Variants in MPDZ observed in about 807,000 individuals in gnomAD.
MPDZ encodes multiple PDZ domain crumbs cell polarity complex component, also known as multiple PDZ domain protein.
MPDZ carries 234 observed loss-of-function variants against 239.1 expected under a neutral mutation model. The observed-to-expected ratio is 0.98, with a 90% CI of 0.88 to 1.09. The LOEUF (loss-of-function observed/expected upper bound fraction) is 1.09, where lower values mean the gene tolerates loss of function less well. MPDZ is among the 50% of genes least tolerant of loss of function. The probability of loss-of-function intolerance (pLI) is 0.00; values close to 1 mark genes in which losing one functional copy is unlikely to be tolerated. For synonymous variants in MPDZ, 1,048 were observed against 881.3 expected, an observed-to-expected ratio of 1.19 and a Z score of -3.35; for missense variants, 3,175 against 2,510.0, an observed-to-expected ratio of 1.26 and a Z score of -5.66.
chr9:13,197,429 T>G (rs940334951), intron 12 of MPDZ, among the ~76,000 whole-genome samples: 8 of 152,106 alleles, frequency 5.3e-5, no homozygotes, highest in Admixed American at 3.3e-4. Context: ...TGAGCAATTC[T>G]AACACTATCG....
chr9:13,152,610 C>T (rs976562838), intron 24 of MPDZ, among the ~76,000 whole-genome samples: 16 of 151,920 alleles, frequency 1.1e-4, no homozygotes, highest in African/African-American at 3.1e-4. Context: ...TCCCCAGTCT[C>T]GGGGTACGTC....
At chr9:13,182,709 A>T (rs1953517998) in intron 19 of MPDZ, among the ~76,000 whole-genome samples, 1 of 152,168 alleles carries the variant, frequency 6.6e-6, no homozygotes, top group South Asian at 2.1e-4. Flanking sequence ...AATCCAAATT[A>T]AAATAGTAAG....
chr9:13,160,905 G>A (rs543209940), intron 23 of MPDZ, among the ~76,000 whole-genome samples: 12 of 116,584 alleles, frequency 1.0e-4, no homozygotes, highest in South Asian at 2.9e-4. Context: ...CATTGTATTA[G>A]GTATTATAAG....
Position 13,162,776 on chromosome 9 carries a change from C to T in MPDZ, c.3274G>A (p.Glu1092Lys). 6.2e-7 allele frequency: 1 copy of T among 1,609,466 alleles called. No homozygotes were observed. The highest frequency in any genetic ancestry group is 1.7e-5 in the Admixed American group (1 of 59,738). Reference sequence around the variant, plus strand: ...CTTATTTTGAACTCTTCCAAATGTTCTGCAGGCACATAAGTAATTCTGGAA... The same window carrying T: ...CTTATTTTGAACTCTTCCAAATGTTTTGCAGGCACATAAGTAATTCTGGAA... ...PDIKITYVPA[E>K]HLEEFKISLG... The change falls in exon 23 of 47, where the codon GAA becomes AAA. Residue 1092 changes from glutamate to lysine, a missense_variant. Physicochemically the swap from Glu to Lys is moderately conservative, Grantham distance 56 (BLOSUM62 1). Transcript: ENST00000319217.
intron 8 of MPDZ, among the ~76,000 whole-genome samples, chr9:13,218,439 G>A (rs890461600): frequency 6.6e-6 from 1 of 151,836 alleles, no homozygotes; most frequent in South Asian, 2.1e-4. Context: ...TACATCAAGT[G>A]GTTTTCGGTA....
intron 1 of MPDZ, among the ~76,000 whole-genome samples, chr9:13,251,034 G>A (rs1967836412): frequency 6.7e-6 from 1 of 148,956 alleles, no homozygotes; most frequent in African/African-American, 2.5e-5. Flanking sequence ...GATGCGGAGG[G>A]AGGGGAATCA....
Position 13,162,757 on chromosome 9 carries a change from T to C in MPDZ, c.3293A>G (p.Lys1098Arg), listed in dbSNP as rs1213336031. Residue 1098 changes from lysine (K) to arginine (R), a missense_variant, in exon 23 of 47, where the codon AAA becomes AGA. Physicochemically the swap from Lys to Arg is conservative, Grantham distance 26. Coordinates refer to ENST00000319217, the MANE Select transcript of MPDZ (RefSeq NM_001378778.1). ...TCCAGATTGTTGTCCCAAGCTTATT[T>C]TGAACTCTTCCAAATGTTCTGCAGG... Reference protein sequence around the residue: ...YVPAEHLEEFKISLGQQSGRV... With the variant: ...YVPAEHLEEFRISLGQQSGRV... The C allele has an allele frequency of 6.2e-7, 1 of 1,611,346 alleles. No individual in the cohort carries two copies. Among genetic ancestry groups the C allele is most frequent in the South Asian group, 1.1e-5 (1 of 90,756 alleles).
Position 13,176,257 on chromosome 9 carries a change from G to C in MPDZ, c.2810C>G (p.Ala937Gly). 6.2e-7 allele frequency: 1 copy of C among 1,608,848 alleles called. No individual in the cohort carries two copies. The highest frequency in any genetic ancestry group is 8.5e-7 in the Non-Finnish European group (1 of 1,177,192). The change falls in exon 20 of 47, where the codon GCA (alanine) becomes GGA (glycine). Residue 937 changes from alanine to glycine, a missense_variant. Coordinates refer to ENST00000319217, the MANE Select transcript of MPDZ (RefSeq NM_001378778.1). ...SGFTINDYTP[A>G]NAIEQQYECE... The stretch of plus-strand genomic sequence containing the variant: ...TTCATATTGTTGTTCAATAGCATTT[G>C]CAGGTGTGTAGTCATTTATAGTAAA...
chr9:13,176,110 C>G lies in MPDZ; in HGVS notation c.2931+26G>C, dbSNP rs147420385. 146 of 1,540,970 alleles carry G rather than the reference C, an allele frequency of 9.5e-5. 1 individual carries two copies. In the African/African-American group the frequency reaches 1.7e-3, roughly 18 times the overall value. ...CACTATTCCCTATCTCATCATAAAA[C>G]ACAAACCATATCTTTAAAATATTAC... On this transcript the variant is annotated intron_variant, in intron 20 of 46. Transcript: ENST00000319217.
chr9:13,256,474 T>C (rs548026969), intron 1 of MPDZ, among the ~76,000 whole-genome samples: 1 of 152,326 alleles, frequency 6.6e-6, no homozygotes, highest in African/African-American at 2.4e-5. Context: ...TTTCTAGCTT[T>C]TGGTTTAAAG....
intron 35 of MPDZ, 78 bp downstream of exon 35, chr9:13,125,138 C>T (rs956307789): frequency 3.7e-6 from 5 of 1,352,952 alleles, no homozygotes; most frequent in East Asian, 2.3e-5. Context: ...AGGTAGGCAG[C>T]TGGCTCCCAA....
At chr9:13,210,636 TTGTC>T (rs1297527940) in intron 10 of MPDZ, among the ~76,000 whole-genome samples, 1 of 151,966 alleles carries the variant, frequency 6.6e-6, no homozygotes, top group East Asian at 1.9e-4. Flanking sequence ...CTCCCTGACT[TTGTC>T]TGGGCATAGA....
intron 10 of MPDZ, among the ~76,000 whole-genome samples, chr9:13,214,285 T>C (rs1564048364): frequency 6.6e-6 from 1 of 152,000 alleles, no homozygotes; most frequent in Non-Finnish European, 1.5e-5. Flanking sequence ...AGATGAAACT[T>C]GAAAGCATTA....
At chr9:13,110,477 T>C (rs1042661421) in intron 44 of MPDZ, among the ~76,000 whole-genome samples, 159 bp downstream of exon 44, 5 of 152,312 alleles carry the variant, frequency 3.3e-5, no homozygotes, top group African/African-American at 7.2e-5. Flanking sequence ...ATGTCTCATA[T>C]GCACTTTATT....
chr9:13,184,131 A>C (rs1953760144), intron 18 of MPDZ, among the ~76,000 whole-genome samples: 1 of 152,022 alleles, frequency 6.6e-6, no homozygotes, highest in African/African-American at 2.4e-5. Flanking sequence ...ACTAACAAAC[A>C]AGGGGCCTAA....
chr9:13,107,600 G>A (rs1276280775), intron 46 of MPDZ, among the ~76,000 whole-genome samples: 1 of 152,146 alleles, frequency 6.6e-6, no homozygotes, highest in Non-Finnish European at 1.5e-5. Context: ...CCCTATGGCA[G>A]GATAAGGCAT....
In MPDZ at chr9:13,108,828, C is replaced by CTGT. The variant is rs547614709; in HGVS notation, c.6066+105_6066+107dup. The CTGT allele has an allele frequency of 1.2e-5, 13 of 1,126,204 alleles. No homozygotes were observed. The East Asian group carries it at 2.8e-4, about 24-fold the overall frequency. The allele number at this position is 1,126,204 out of a possible 1,614,324, so 69.8% of individuals were successfully genotyped here. On this transcript the variant is annotated intron_variant, in intron 46 of 46. Coordinates refer to ENST00000319217, the MANE Select transcript of MPDZ (RefSeq NM_001378778.1). ...GGGAGTTTTGAAAAGAAATGATCAA[C>CTGT]TGTTAACCATTTGGCATTACCTCAG...
In MPDZ at chr9:13,192,217, T is replaced by C. The variant is rs765249977; in HGVS notation, c.1882A>G (p.Met628Val). The change falls in exon 15 of 47, where the codon ATG becomes GTG. Residue 628 changes from methionine (M) to valine (V), a missense_variant. By Grantham distance (21) the Met-to-Val change is conservative. Coordinates refer to ENST00000319217, the MANE Select transcript of MPDZ (RefSeq NM_001378778.1). ...GGCACAGTTCGACGACAGCACACCA[T>C]TGTCACTTCTATAGGCAGTTCTTTT... The part of the protein sequence containing the change: ...ILKELPIEVT[M>V]VCCRRTVPPT... 19 of 1,609,898 alleles carry C rather than the reference T, an allele frequency of 1.2e-5. No individual in the cohort carries two copies. Among genetic ancestry groups the C allele is most frequent in the Non-Finnish European group, 1.5e-5 (18 of 1,177,968 alleles).
At chr9:13,199,585 T>C (rs1389083794) in intron 12 of MPDZ, among the ~76,000 whole-genome samples, 1 of 152,046 alleles carries the variant, frequency 6.6e-6, no homozygotes, top group Non-Finnish European at 1.5e-5. Context: ...GTTCCAGATC[T>C]TAGAGAAAAG....
Sources: gnomAD v4.1 joint callset for allele counts (sites outside exome capture counted in the v4.1 genomes callset) on GRCh38, gnomAD v4.1.1 for gene constraint, MANE v1.5 for transcripts, NCBI Gene and HGNC (gene_info 2026-07-23, HGNC 2026-07-21) for gene names.